Variants in ARL6IP6 observed in about 807,000 individuals in gnomAD.
ARL6IP6 encodes ARF like GTPase 6 interacting protein 6.
In ARL6IP6, 22 loss-of-function variants were observed where a neutral mutation model predicts 21.5. The observed-to-expected ratio is 1.02, with a 90% CI of 0.73 to 1.46. The LOEUF is 1.46. Ranked by LOEUF, ARL6IP6 falls within the 40% of genes most tolerant of loss-of-function variation. ARL6IP6 has a pLI of 0.00. For synonymous variants in ARL6IP6, 164 were observed against 125.3 expected (o/e 1.31, Z -2.06); for missense variants, 388 against 299.8 (o/e 1.29, Z -2.17).
chr2:152,742,351 T>G (rs934064166), intron 3 of ARL6IP6, among the ~76,000 whole-genome samples: 1 of 152,120 alleles, frequency 6.6e-6, no homozygotes, highest in East Asian at 1.9e-4. Flanking sequence ...GAGGATGGCT[T>G]GAGCCTAGAA....
chr2:152,744,068 A>G (rs1402574509), intron 3 of ARL6IP6, among the ~76,000 whole-genome samples: 1 of 152,122 alleles, frequency 6.6e-6, no homozygotes, highest in East Asian at 1.9e-4. Context: ...TTTGAAAAGA[A>G]ATCTCCACCT....
intron 3 of ARL6IP6, among the ~76,000 whole-genome samples, chr2:152,740,785 A>C (rs1436963452): frequency 6.6e-6 from 1 of 152,138 alleles, no homozygotes; most frequent in Non-Finnish European, 1.5e-5. Context: ...TAATGTGTAC[A>C]TGTATACAAA....
rs1573996395 is a variant in ARL6IP6 at position 152,718,679 on chromosome 2, A to C, written c.55A>C (p.Thr19Pro). The change falls in exon 1 of 4, where the codon ACC becomes CCC. Residue 19 changes from threonine to proline, a missense_variant. Physicochemically the swap from Thr to Pro is conservative, Grantham distance 38. Coordinates refer to ENST00000326446, the MANE Select transcript of ARL6IP6 (RefSeq NM_152522.7). ...RSALRRRGPG[T>P]PGPVARPSYS... ...GGCTCTGCGGCGCCGCGGTCCCGGC[A>C]CCCCGGGCCCTGTGGCTCGGCCATC... The C allele has an allele frequency of 3.2e-6, 5 of 1,580,228 alleles. No homozygotes were observed. The highest frequency in any genetic ancestry group is 3.4e-6 in the Non-Finnish European group (4 of 1,162,400).
chr2:152,757,876 A>C (rs550322329), intron 3 of ARL6IP6, among the ~76,000 whole-genome samples: 1 of 152,334 alleles, frequency 6.6e-6, no homozygotes, highest in Admixed American at 6.5e-5. Context: ...ACATTTGAGC[A>C]TGTACATCTC....
upstream of ARL6IP6, chr2:152,718,573 CGG>C: frequency 6.7e-7 from 1 of 1,487,060 alleles, no homozygotes; most frequent in Non-Finnish European, 8.9e-7. Flanking sequence ...GGACCCGGGG[CGG>C]GGCAGGTGGG....
intron 3 of ARL6IP6, among the ~76,000 whole-genome samples, chr2:152,746,662 T>C (rs548906049): frequency 6.6e-6 from 1 of 152,132 alleles, no homozygotes; most frequent in Admixed American, 6.5e-5. Context: ...AAGTGTAAGT[T>C]TACTAAAGCA....
At chr2:152,732,387 AATG>A (rs1234784848) in intron 2 of ARL6IP6, 1 of 237,788 alleles carries the variant, frequency 4.2e-6, no homozygotes, top group Non-Finnish European at 8.8e-6. Context: ...TTGATGAAAA[AATG>A]ATACCTAATT....
chr2:152,755,730 G>A (rs777195095), intron 3 of ARL6IP6, among the ~76,000 whole-genome samples: 1 of 151,952 alleles, frequency 6.6e-6, no homozygotes, highest in African/African-American at 2.4e-5. Context: ...CTAGACATTC[G>A]GGGCCACTAC....
At chr2:152,756,822 G>T (rs1470451417) in intron 3 of ARL6IP6, among the ~76,000 whole-genome samples, 1 of 152,170 alleles carries the variant, frequency 6.6e-6, no homozygotes, top group Non-Finnish European at 1.5e-5. Context: ...TACGTTGATA[G>T]TGGAAGTGTA....
chr2:152,718,080 G>A (rs930373025), upstream of ARL6IP6: 1 of 993,048 alleles, frequency 1.0e-6, no homozygotes, highest in African/African-American at 1.7e-5. Context: ...ACACTAAAGG[G>A]AGATGGGGGT....
Position 152,749,171 on chromosome 2 carries a change from G to A in ARL6IP6, c.588-10576G>A, listed in dbSNP as rs543186808. ...TCACTTTGCAAGTTACTATTTAATA[G>A]TAATCTAAATATATTGCTAGACATT... On this transcript the variant is annotated intron_variant, in intron 3 of 3. Transcript: ENST00000326446. Among the ~76,000 whole-genome samples the A allele has an allele frequency of 1.4e-4, 22 of 151,814 alleles. 2 individuals carry two copies. The South Asian group carries it at 2.9e-3, about 20-fold the overall frequency.
intron 2 of ARL6IP6, among the ~76,000 whole-genome samples, chr2:152,731,172 A>AT (rs1700292077): frequency 6.6e-6 from 1 of 152,088 alleles, no homozygotes; most frequent in Admixed American, 6.5e-5. Flanking sequence ...AAAACAGGCT[A>AT]TTTCTTCTTT....
intron 3 of ARL6IP6, among the ~76,000 whole-genome samples, chr2:152,750,997 G>A (rs937877809): frequency 6.6e-6 from 1 of 152,118 alleles, no homozygotes; most frequent in African/African-American, 2.4e-5. Flanking sequence ...TAAAATGGAA[G>A]GTCTTCAAAG....
At chr2:152,759,604 A>G (rs149542231) in intron 3 of ARL6IP6, 143 bp from the exon 4 acceptor site, 7 of 628,176 alleles carry the variant, frequency 1.1e-5, no homozygotes, top group Middle Eastern at 2.6e-4. Context: ...CAGATGTCCA[A>G]TATTCTTTAA....
upstream of ARL6IP6, chr2:152,717,781 G>T: frequency 8.2e-7 from 1 of 1,213,454 alleles, no homozygotes; most frequent in Non-Finnish European, 1.0e-6. Context: ...GGGGCAGTGG[G>T]GGTCTGCCAC....
intron 2 of ARL6IP6, among the ~76,000 whole-genome samples, chr2:152,733,371 T>G (rs1193122710): frequency 2.6e-5 from 4 of 152,110 alleles, no homozygotes; most frequent in African/African-American, 9.7e-5. Flanking sequence ...TTCAAGTGAT[T>G]CTCCTGCCTC....
chr2:152,749,537 C>A (rs1344432410), intron 3 of ARL6IP6, among the ~76,000 whole-genome samples: 1 of 152,156 alleles, frequency 6.6e-6, no homozygotes, highest in African/African-American at 2.4e-5. Flanking sequence ...AGTTTCTTTA[C>A]TATATAGCTA....
At chr2:152,738,998 T>G (rs1286383885) in intron 3 of ARL6IP6, among the ~76,000 whole-genome samples, 11 of 151,722 alleles carry the variant, frequency 7.3e-5, no homozygotes, top group East Asian at 5.8e-4. Flanking sequence ...TTTTTTTTTT[T>G]GGGAGATGGA....
intron 3 of ARL6IP6, among the ~76,000 whole-genome samples, chr2:152,756,448 A>G (rs1701596352): frequency 6.6e-6 from 1 of 152,196 alleles, no homozygotes; most frequent in South Asian, 2.1e-4. Flanking sequence ...AAAAAGCACT[A>G]GCCATTTTTT....
Sources: allele counts gnomAD v4.1 joint callset (sites outside exome capture counted in the v4.1 genomes callset), GRCh38; gene constraint gnomAD v4.1.1; transcripts MANE v1.5; gene names NCBI Gene and HGNC (gene_info 2026-07-23, HGNC 2026-07-21).